The following HPSE2 variants were observed in gnomAD, a reference collection of about 807,000 sequenced individuals.
HPSE2 encodes the protein inactive heparanase-2.
A neutral mutation model predicts 60.5 loss-of-function variants in HPSE2; 38 were observed. The ratio of observed to expected loss-of-function variants is 0.63; its 90% CI spans 0.48 to 0.82. The LOEUF is 0.82. Ranked by LOEUF, HPSE2 falls within the 40% of genes least tolerant of loss-of-function variation. The pLI is 0.00. For synonymous variants in HPSE2, 295 were observed against 293.2 expected (o/e 1.01, Z -0.06); for missense variants, 713 against 740.4 (o/e 0.96, Z 0.43).
At position 99,203,880 on chromosome 10, in the gene HPSE2, G is replaced by A. The variant is rs546331143; in HGVS notation, c.448+28468C>T. On this transcript the variant is annotated intron_variant, in intron 2 of 11. Coordinates refer to ENST00000370552, the MANE Select transcript of HPSE2 (RefSeq NM_021828.5). ...CCAGAAGCCAGGACCGCTCCACCAG[G>A]CCCAAGGGTCCAGGCCCACTCCAGC... Among the ~76,000 whole-genome samples, 5 of 152,120 alleles carry A rather than the reference G, an allele frequency of 3.3e-5. No homozygotes were observed. The South Asian group carries it at 1.0e-3, about 32-fold the overall frequency.
chr10:98,480,059 A>G (rs1275062747), intron 11 of HPSE2, among the ~76,000 whole-genome samples: 1 of 151,748 alleles, frequency 6.6e-6, no homozygotes, highest in Non-Finnish European at 1.5e-5. Context: ...ATCCCTGTAG[A>G]ATGAAATTCT....
At chr10:98,498,156 A>C (rs1034688362) in intron 9 of HPSE2, among the ~76,000 whole-genome samples, 1 of 152,192 alleles carries the variant, frequency 6.6e-6, no homozygotes, top group Admixed American at 6.5e-5. Context: ...GGAGGCTCGC[A>C]TCGTGAATTT....
the HPSE2 span, among the ~76,000 whole-genome samples, chr10:99,310,331 G>A: frequency 2.6e-5 from 4 of 152,026 alleles, no homozygotes; most frequent in Non-Finnish European, 4.4e-5. Context: ...CCACTCCAGG[G>A]CATATAGAGC....
chr10:98,916,104 G>A lies in HPSE2; in HGVS notation c.611-172048C>T, dbSNP rs560542765. Among the ~76,000 whole-genome samples, 298 of 152,328 alleles carry A rather than the reference G, an allele frequency of 2.0e-3. 8 individuals are homozygous for A. In the South Asian group the frequency reaches 0.032, roughly 16 times the overall value. On this transcript the variant is annotated intron_variant, in intron 3 of 11. Transcript: ENST00000370552. Reference sequence around the variant, plus strand: ...ATTTTGCAATTCTTTTTAGCTCCCTGTTGGAAGACAGAATCAGATTTAACC... The same window carrying A: ...ATTTTGCAATTCTTTTTAGCTCCCTATTGGAAGACAGAATCAGATTTAACC...
chr10:98,935,517 T>C (rs546831158), intron 3 of HPSE2, among the ~76,000 whole-genome samples: 1 of 144,562 alleles, frequency 6.9e-6, no homozygotes, highest in South Asian at 2.1e-4. Flanking sequence ...TTTCTATTTG[T>C]TTCTTTTTCT....
chr10:99,219,123 T>C (rs1376005097), intron 2 of HPSE2, among the ~76,000 whole-genome samples: 1 of 152,206 alleles, frequency 6.6e-6, no homozygotes, highest in East Asian at 1.9e-4. Flanking sequence ...GGAAGCAGAC[T>C]CCTCCTCCCT....
At chr10:98,542,052 A>G (rs554860349) in intron 9 of HPSE2, among the ~76,000 whole-genome samples, 173 of 137,284 alleles carry the variant, frequency 1.3e-3, no homozygotes, top group African/African-American at 4.4e-3. Flanking sequence ...CCTGACCCCC[A>G]AGCAGCCTAA....
rs574117346 is a variant in HPSE2 at position 99,158,565 on chromosome 10, G to C, written c.449-14166C>G. On this transcript the variant is annotated intron_variant, in intron 2 of 11. Transcript: ENST00000370552. ...GGGAATTGAACAATGAGATCACATG[G>C]ACACAGGAAGGGGACTATCACACTC... Among the ~76,000 whole-genome samples, 189 of 143,126 alleles carry C rather than the reference G, an allele frequency of 1.3e-3. 5 individuals are homozygous for C. Among genetic ancestry groups the C allele is most frequent in the Non-Finnish European group, 4.5e-4 (30 of 66,170 alleles). The allele number at this position is 143,126 out of a possible 152,430, so 93.9% of individuals were successfully genotyped here.
At chr10:98,594,284 A>T (rs1233490534) in intron 9 of HPSE2, among the ~76,000 whole-genome samples, 1 of 151,866 alleles carries the variant, frequency 6.6e-6, no homozygotes, top group African/African-American at 2.4e-5. Flanking sequence ...TTTGACTAAC[A>T]TTTCCCTACC....
intron 6 of HPSE2, among the ~76,000 whole-genome samples, chr10:98,674,470 A>G (rs1447005706): frequency 6.6e-6 from 1 of 152,262 alleles, no homozygotes; most frequent in Non-Finnish European, 1.5e-5. Flanking sequence ...TGAAGACATG[A>G]GAACAGTAAT....
chr10:99,203,968 G>GCTGGC (rs1848660896), intron 2 of HPSE2, among the ~76,000 whole-genome samples: 1 of 151,880 alleles, frequency 6.6e-6, no homozygotes, highest in Non-Finnish European at 1.5e-5. Context: ...AGAAACCCAG[G>GCTGGC]CTATAGGCCA....
intron 3 of HPSE2, among the ~76,000 whole-genome samples, chr10:99,117,427 A>C: frequency 1.6e-5 from 2 of 128,354 alleles, no homozygotes; most frequent in South Asian, 4.7e-4. Context: ...GAAAAAAAAA[A>C]AAAAAAAAAA....
At chr10:98,970,742 C>T (rs1955932208) in intron 3 of HPSE2, among the ~76,000 whole-genome samples, 1 of 152,036 alleles carries the variant, frequency 6.6e-6, no homozygotes, top group Non-Finnish European at 1.5e-5. Flanking sequence ...AGCTTTATTT[C>T]AAGATCAGAA....
At chr10:98,997,108 C>CTTT (rs1564723908) in intron 3 of HPSE2, among the ~76,000 whole-genome samples, 1 of 88,256 alleles carries the variant, frequency 1.1e-5, no homozygotes, top group Non-Finnish European at 2.5e-5. Flanking sequence ...AATACAGACC[C>CTTT]TTTCTTTTTT....
chr10:98,520,569 A>T (rs2133771623), intron 9 of HPSE2, among the ~76,000 whole-genome samples: 1 of 152,340 alleles, frequency 6.6e-6, no homozygotes, highest in Non-Finnish European at 1.5e-5. Context: ...CTCACAGTAA[A>T]GTGGGCTTCG....
intron 3 of HPSE2, among the ~76,000 whole-genome samples, chr10:99,001,126 A>G (rs1363141366): frequency 6.6e-6 from 1 of 152,080 alleles, no homozygotes; most frequent in Non-Finnish European, 1.5e-5. Flanking sequence ...TCTATTGACA[A>G]CTTTACTAAT....
chr10:98,682,781 T>C (rs1051820599), intron 6 of HPSE2, among the ~76,000 whole-genome samples: 2 of 152,170 alleles, frequency 1.3e-5, no homozygotes, highest in African/African-American at 4.8e-5. Context: ...CAAAAGTGAT[T>C]TGGAGTCCTT....
intron 9 of HPSE2, among the ~76,000 whole-genome samples, chr10:98,534,795 C>A (rs986231232): frequency 6.6e-5 from 10 of 152,196 alleles, no homozygotes; most frequent in African/African-American, 2.2e-4. Context: ...GATAAGGTAC[C>A]AAAGAATGTG....
At chr10:99,278,135 A>G in the HPSE2 span, among the ~76,000 whole-genome samples, 74,397 of 150,292 alleles carry the variant, frequency 0.5, 21,557 homozygotes, top group Non-Finnish European at 0.64. Flanking sequence ...TGCAAACTTA[A>G]TAAATTAGGG....
Sources: allele counts gnomAD v4.1 joint callset (sites outside exome capture counted in the v4.1 genomes callset), GRCh38; gene constraint gnomAD v4.1.1; transcripts MANE v1.5; gene names NCBI Gene and HGNC (gene_info 2026-07-23, HGNC 2026-07-21).